SAP30BP: variants seen among roughly 807,000 people sequenced by gnomAD.
The protein encoded by SAP30BP is SAP30 binding protein, also known as SAP30-binding protein.
SAP30BP carries 31 observed loss-of-function variants against 46.3 expected under a neutral mutation model. The ratio of observed to expected loss-of-function variants is 0.67; its 90% CI spans 0.50 to 0.90. The LOEUF is 0.90. Ranked by LOEUF, SAP30BP falls within the 40% of genes least tolerant of loss-of-function variation. SAP30BP has a pLI of 0.00. For synonymous variants in SAP30BP, 169 were observed against 144.2 expected, an observed-to-expected ratio of 1.17 and a Z score of -1.23; for missense variants, 312 against 391.0, an observed-to-expected ratio of 0.80 and a Z score of 1.70.
chr17:75,703,261 A>T (rs760922633), intron 6 of SAP30BP, 50 bp from the exon 7 acceptor site: 2 of 1,561,714 alleles, frequency 1.3e-6, no homozygotes, highest in East Asian at 4.5e-5. Context: ...TTCAGGTCCC[A>T]TGCAGGGACG....
chr17:75,699,755 A>G, intron 4 of SAP30BP, 28 bp from the exon 5 acceptor site: 1 of 1,546,824 alleles, frequency 6.5e-7, no homozygotes, highest in Non-Finnish European at 8.9e-7. Context: ...ATCCCCACCT[A>G]CAGAATTTTT....
chr17:75,683,042 A>ATT (rs1489760588), intron 3 of SAP30BP, among the ~76,000 whole-genome samples: 2 of 42,632 alleles, frequency 4.7e-5, no homozygotes, highest in East Asian at 2.5e-3. Flanking sequence ...TATTTTATTT[A>ATT]TTTATTTATT....
chr17:75,686,473 G>A (rs1411189306), intron 3 of SAP30BP, among the ~76,000 whole-genome samples: 1 of 151,608 alleles, frequency 6.6e-6, no homozygotes, highest in Non-Finnish European at 1.5e-5. Flanking sequence ...CCGAGATTGC[G>A]CCACTGCACT....
chr17:75,671,949 T>G, intron 3 of SAP30BP, 86 bp downstream of exon 3: 1 of 1,075,992 alleles, frequency 9.3e-7, no homozygotes, highest in Non-Finnish European at 1.5e-6. Context: ...GGTCAAGATC[T>G]GTCCCACTGA....
In SAP30BP at chr17:75,671,878, C is replaced by T. The variant is rs751553649; in HGVS notation, c.264+15C>T. On this transcript the variant is annotated intron_variant, in intron 3 of 10. Transcript: ENST00000584667. ...ATGACCCAAAGGTATTTGGTGTTGG[C>T]TGTGGTGGGTGGCTGGATGCAAACA... 5 of 1,610,204 alleles carry T rather than the reference C, an allele frequency of 3.1e-6. No homozygotes were observed. The highest frequency in any genetic ancestry group is 4.2e-6 in the Non-Finnish European group (5 of 1,176,526).
At chr17:75,676,322 T>C (rs928061087) in intron 3 of SAP30BP, among the ~76,000 whole-genome samples, 3 of 152,230 alleles carry the variant, frequency 2.0e-5, no homozygotes, top group African/African-American at 7.2e-5. Flanking sequence ...CAGATCTAAA[T>C]GTTGACACAT....
intron 6 of SAP30BP, 34 bp from the exon 7 acceptor site, chr17:75,703,277 T>G: frequency 6.2e-7 from 1 of 1,607,018 alleles, no homozygotes; most frequent in Non-Finnish European, 8.5e-7. Context: ...GGACGTGGAC[T>G]TGTGCCTGCT....
chr17:75,691,405 A>T, intron 3 of SAP30BP: 1 of 456,594 alleles, frequency 2.2e-6, no homozygotes. Context: ...GACGTGACTC[A>T]ACAACCTCAG....
intron 3 of SAP30BP, chr17:75,690,869 G>A (rs1001168432): frequency 7.2e-6 from 3 of 417,412 alleles, no homozygotes; most frequent in South Asian, 1.7e-5. Context: ...AACCAACACA[G>A]ACAGCACAGT....
chr17:75,670,591 A>G (rs899816343), intron 2 of SAP30BP, among the ~76,000 whole-genome samples: 6 of 152,142 alleles, frequency 3.9e-5, no homozygotes. Context: ...AATTTTCATC[A>G]TGTTTAAGCT....
In SAP30BP at chr17:75,702,576, GTT is replaced by G. The variant is rs957730908; in HGVS notation, c.488+7_488+8del. The G allele has an allele frequency of 6.4e-6, 9 of 1,409,934 alleles. No individual in the cohort carries two copies. In the African/African-American group the frequency reaches 1.3e-4, roughly 20 times the overall value. The allele number at this position is 1,409,934 out of a possible 1,614,324, so 87.3% of individuals were successfully genotyped here. Reference sequence around the variant, plus strand: ...GAAAGAATTTCGGAACCCTAGGTAAGTTTCCCTTGAGCCTGCAGAGTTTATTG... The same window carrying G: ...GAAAGAATTTCGGAACCCTAGGTAAGTCCCTTGAGCCTGCAGAGTTTATTG... On this transcript the variant is annotated splice_donor_region_variant and intron_variant, in intron 6 of 10. Coordinates refer to ENST00000584667, the MANE Select transcript of SAP30BP (RefSeq NM_013260.8).
intron 3 of SAP30BP, among the ~76,000 whole-genome samples, chr17:75,690,472 T>C (rs145503510): frequency 9.9e-5 from 15 of 152,244 alleles, no homozygotes; most frequent in Non-Finnish European, 1.6e-4. Context: ...CACTGCAGCT[T>C]TGACCTCCCA....
intron 1 of SAP30BP, chr17:75,668,281 C>T: frequency 4.3e-6 from 2 of 469,130 alleles, no homozygotes; most frequent in Non-Finnish European, 3.7e-6. Flanking sequence ...GCATTAGAAA[C>T]AGAATTTAGT....
In SAP30BP at chr17:75,673,514, G is replaced by A. The variant is rs182700024; in HGVS notation, c.264+1651G>A. ...GTTTGGGTTTCAGTTGTGGAGGGAA[G>A]GGAGGATCTGGGTCCTAGAGTCTTT... On this transcript the variant is annotated intron_variant, in intron 3 of 10. Transcript: ENST00000584667. Among the ~76,000 whole-genome samples, 67 of 152,320 alleles carry A rather than the reference G, an allele frequency of 4.4e-4. No individual in the cohort carries two copies. In the East Asian group the frequency reaches 0.013, roughly 29 times the overall value.
At chr17:75,696,706 C>A (rs2060325272) in intron 4 of SAP30BP, among the ~76,000 whole-genome samples, 1 of 151,326 alleles carries the variant, frequency 6.6e-6, no homozygotes, top group Non-Finnish European at 1.5e-5. Flanking sequence ...CTTTATTTGC[C>A]AGTTACTTCC....
At position 75,669,132 on chromosome 17, in the gene SAP30BP, G is replaced by C. The variant is rs550820201; in HGVS notation, c.216+507G>C. Among the ~76,000 whole-genome samples, 6 of 151,650 alleles carry C rather than the reference G, an allele frequency of 4.0e-5. No homozygotes were observed. In the South Asian group the frequency reaches 1.2e-3, roughly 32 times the overall value. On this transcript the variant is annotated intron_variant, in intron 2 of 10. Transcript: ENST00000584667. ...TCTGCTGTCCAGATTGGAGTGCAGT[G>C]GTGTGATCATAGATAGTTCACTACA...
At chr17:75,701,504 G>A (rs146489156) in intron 5 of SAP30BP, among the ~76,000 whole-genome samples, 80 of 152,324 alleles carry the variant, frequency 5.3e-4, no homozygotes, top group African/African-American at 1.8e-3. Context: ...ATCCCCCGAG[G>A]TGGTTCTCCA....
At chr17:75,705,697 AG>A (rs2060485581) in intron 9 of SAP30BP, 1 of 1,150,704 alleles carries the variant, frequency 8.7e-7, no homozygotes, top group Admixed American at 4.4e-5. Flanking sequence ...CCTGGGTGTG[AG>A]GAGGAGGGGC....
chr17:75,679,718 C>G (rs780724304), intron 3 of SAP30BP: 3 of 152,112 alleles, frequency 2.0e-5, no homozygotes, highest in Non-Finnish European at 4.4e-5. Context: ...TTCCTGTGTT[C>G]CATTATTTTT....
Sources: allele counts gnomAD v4.1 joint callset (sites outside exome capture counted in the v4.1 genomes callset), GRCh38; gene constraint gnomAD v4.1.1; transcripts MANE v1.5; gene names NCBI Gene and HGNC (gene_info 2026-07-23, HGNC 2026-07-21).